Variants in SUCLA2 observed in about 807,000 individuals in gnomAD.
The protein encoded by SUCLA2 is succinate-CoA ligase ADP-forming subunit beta, also known as succinate--CoA ligase [ADP-forming] subunit beta, mitochondrial.
In SUCLA2, 30 loss-of-function variants were observed where a neutral mutation model predicts 54.8. That is an observed-to-expected ratio of 0.55 (90% confidence interval 0.41 to 0.74). The LOEUF is 0.74. Among genes scored for constraint, SUCLA2 ranks in the 30% least tolerant of loss-of-function variants. SUCLA2 has a pLI of 0.00. For synonymous variants in SUCLA2, 172 were observed against 188.9 expected, an observed-to-expected ratio of 0.91 and a Z score of 0.74; for missense variants, 476 against 562.9, an observed-to-expected ratio of 0.85 and a Z score of 1.56.
At chr13:48,001,046 C>G (rs561378570) in intron 1 of SUCLA2, 134 bp downstream of exon 1, 8 of 1,499,642 alleles carry the variant, frequency 5.3e-6, no homozygotes, top group Non-Finnish European at 6.3e-6. Flanking sequence ...CCAGGCAAGT[C>G]GCCCGAGGGC....
chr13:47,977,790 A>C (rs1227170586), intron 4 of SUCLA2, among the ~76,000 whole-genome samples: 1 of 152,220 alleles, frequency 6.6e-6, no homozygotes, highest in African/African-American at 2.4e-5. Flanking sequence ...CCATATAAGA[A>C]AACTCATAGC....
At chr13:47,943,762 G>GTATA (rs1419922780) in intron 10 of SUCLA2, among the ~76,000 whole-genome samples, 18 of 133,352 alleles carry the variant, frequency 1.3e-4, no homozygotes, top group African/African-American at 4.5e-4. Context: ...GTGTGTGTGT[G>GTATA]TGTGTATATA....
At chr13:47,997,104 A>C (rs1950197841) in intron 1 of SUCLA2, 81 bp from the exon 2 acceptor site, 1 of 1,426,772 alleles carries the variant, frequency 7.0e-7, no homozygotes, top group African/African-American at 1.4e-5. Flanking sequence ...TCATAACTAT[A>C]ACAAAACTGT....
intron 4 of SUCLA2, among the ~76,000 whole-genome samples, chr13:47,984,582 A>C (rs977284862): frequency 3.3e-5 from 5 of 152,190 alleles, no homozygotes; most frequent in African/African-American, 1.2e-4. Context: ...GCTTAAATGT[A>C]AAAGGCTTAA....
chr13:47,954,556 T>C lies in SUCLA2; in HGVS notation c.804A>G (p.Val268=), dbSNP rs761518468. Residue 268 remains valine, a splice_region_variant and synonymous_variant, in exon 7 of 11, where the codon GTA becomes GTG. Transcript: ENST00000646932. ...NPMVEDSDGA[V]LCMDAKINFD... ...AATTGATCTTTGCATCCATACACAATACTTTGAAGGGAAAAAGAGAAAAAT... is the reference window on the plus strand; with the variant it reads ...AATTGATCTTTGCATCCATACACAACACTTTGAAGGGAAAAAGAGAAAAAT... 8.7e-6 allele frequency: 14 copies of C among 1,613,202 alleles called. No homozygotes were observed. The Admixed American group carries it at 2.2e-4, about 25-fold the overall frequency.
chr13:47,980,276 G>A (rs1446166489), intron 4 of SUCLA2, among the ~76,000 whole-genome samples: 4 of 152,092 alleles, frequency 2.6e-5, no homozygotes, highest in Admixed American at 6.5e-5. Context: ...TTAGCTGGGC[G>A]TGGTGGCGGG....
At position 47,994,916 on chromosome 13, in the gene SUCLA2, T is replaced by C. The variant is rs1051364046; in HGVS notation, c.271+1927A>G. ...CTGTACCTAAGAATCATTAAGTTTT[T>C]ATAAGGCATAATCAAAACAGATTGG... On this transcript the variant is annotated intron_variant, in intron 2 of 10. Coordinates refer to ENST00000646932, the MANE Select transcript of SUCLA2 (RefSeq NM_003850.3). 16 of 935,404 alleles carry C rather than the reference T, an allele frequency of 1.7e-5. No individual in the cohort carries two copies. In the East Asian group the frequency reaches 4.6e-4, roughly 27 times the overall value. 57.9% of individuals were successfully genotyped at this position (935,404 alleles called of 1,614,324 possible). A position where few individuals can be genotyped will look rare whatever the true frequency, so the allele number is the denominator to read the frequency against.
chr13:47,977,026 C>T (rs1950019648), intron 4 of SUCLA2, among the ~76,000 whole-genome samples: 1 of 150,170 alleles, frequency 6.7e-6, no homozygotes, highest in African/African-American at 2.4e-5. Context: ...AACAAAACTG[C>T]ATATTGGCTC....
At chr13:47,965,786 C>T (rs1018121198) in intron 6 of SUCLA2, 9 of 389,160 alleles carry the variant, frequency 2.3e-5, no homozygotes, top group Non-Finnish European at 4.1e-5. Context: ...TCTTGGCTTG[C>T]GCCTGTAATC....
intron 4 of SUCLA2, among the ~76,000 whole-genome samples, chr13:47,982,148 C>T (rs758999589): frequency 6.6e-6 from 1 of 152,212 alleles, no homozygotes; most frequent in Non-Finnish European, 1.5e-5. Context: ...ATTTGAACAT[C>T]TATGTTCACT....
intron 4 of SUCLA2, among the ~76,000 whole-genome samples, chr13:47,983,850 G>A (rs1950078099): frequency 1.3e-5 from 2 of 151,966 alleles, no homozygotes; most frequent in Admixed American, 1.3e-4. Context: ...AAAAGCCACA[G>A]AGAAGGCAAC....
At chr13:47,996,740 T>A in intron 2 of SUCLA2, 103 bp downstream of exon 2, 1 of 1,061,664 alleles carries the variant, frequency 9.4e-7, no homozygotes, top group Non-Finnish European at 1.4e-6. Context: ...AAAATGTATT[T>A]TTTTTAAAAA....
At chr13:47,976,981 A>T (rs140050706) in intron 4 of SUCLA2, among the ~76,000 whole-genome samples, 4,256 of 151,084 alleles carry the variant, frequency 0.028, 92 homozygotes, top group South Asian at 0.082. Context: ...TTAGAGCAGA[A>T]ATAAAAGAAA....
At chr13:47,978,659 T>C (rs989364063) in intron 4 of SUCLA2, among the ~76,000 whole-genome samples, 1 of 152,088 alleles carries the variant, frequency 6.6e-6, no homozygotes, top group African/African-American at 2.4e-5. Context: ...AAAGACAAAA[T>C]TGACAAATGA....
At chr13:47,977,867 AAAT>A (rs1950029431) in intron 4 of SUCLA2, among the ~76,000 whole-genome samples, 1 of 152,300 alleles carries the variant, frequency 6.6e-6, no homozygotes. Context: ...TCCTATACAC[AAAT>A]AATAGACAAA....
At chr13:47,990,632 C>A (rs1950142685) in intron 2 of SUCLA2, among the ~76,000 whole-genome samples, 1 of 152,036 alleles carries the variant, frequency 6.6e-6, no homozygotes, top group Non-Finnish European at 1.5e-5. Context: ...TCACTGTATT[C>A]ATTATATCCC....
intron 4 of SUCLA2, among the ~76,000 whole-genome samples, chr13:47,978,870 T>C (rs957288068): frequency 6.6e-5 from 10 of 152,178 alleles, no homozygotes; most frequent in African/African-American, 1.9e-4. Context: ...GAACAGATAC[T>C]TTTCAAAAGA....
chr13:47,950,140 T>C (rs968370212), intron 8 of SUCLA2, among the ~76,000 whole-genome samples: 2 of 152,182 alleles, frequency 1.3e-5, no homozygotes, highest in African/African-American at 4.8e-5. Flanking sequence ...ATAACCCTTA[T>C]AAAGAAACAA....
rs1293066829 is a variant in SUCLA2 at position 47,988,914 on chromosome 13, A to T, written c.339T>A (p.Ser113Arg). Reference sequence around the variant, plus strand: ...CTATCTTCACTCCTCCTTTGAGGCCACTTTCAAATGTTCCTTTTCCTCTAC... The same window carrying T: ...CTATCTTCACTCCTCCTTTGAGGCCTCTTTCAAATGTTCCTTTTCCTCTAC... ...AGGRGKGTFE[S>R]GLKGGVKIVF... Residue 113 changes from serine (S) to arginine (R), a missense_variant, in exon 3 of 11, where the codon AGT becomes AGA. Physicochemically the swap from Ser to Arg is moderately radical, Grantham distance 110 (BLOSUM62 -1). This residue lies in a region of SUCLA2 where 342 missense variants were observed against 444.2 expected (regional missense o/e 0.77). Coordinates refer to ENST00000646932, the MANE Select transcript of SUCLA2 (RefSeq NM_003850.3). The T allele has an allele frequency of 6.2e-7, 1 of 1,613,280 alleles. No homozygotes were observed. The highest frequency in any genetic ancestry group is 8.5e-7 in the Non-Finnish European group (1 of 1,179,968).
Sources: allele counts gnomAD v4.1 joint callset (sites outside exome capture counted in the v4.1 genomes callset), GRCh38; gene constraint gnomAD v4.1.1; regional missense constraint gnomAD v4.1.1; transcripts MANE v1.5; gene names NCBI Gene and HGNC (gene_info 2026-07-23, HGNC 2026-07-21).